Variants in MYO16 observed in about 807,000 individuals in gnomAD.
MYO16 encodes unconventional myosin-XVI.
In MYO16, 94 loss-of-function variants were observed where a neutral mutation model predicts 205.3. The observed-to-expected ratio is 0.46, with a 90% CI of 0.39 to 0.54. The LOEUF (loss-of-function observed/expected upper bound fraction) is 0.54, where lower values mean the gene tolerates loss of function less well. Among genes scored for constraint, MYO16 ranks in the 20% least tolerant of loss-of-function variants. The pLI, the probability that MYO16 is intolerant of heterozygous loss-of-function variation, is 0.00. For missense variants in MYO16, 2,315 were observed against 2,387.5 expected (o/e 0.97, Z 0.63); for synonymous variants, 988 against 954.0 (o/e 1.04, Z -0.66).
intron 4 of MYO16, 90 bp downstream of exon 4, chr13:108,727,673 A>C: frequency 6.9e-7 from 1 of 1,445,514 alleles, no homozygotes; most frequent in Non-Finnish European, 9.3e-7. Flanking sequence ...AATATGTAAT[A>C]TTTTGGTTGA....
the MYO16 span, among the ~76,000 whole-genome samples, chr13:108,551,281 A>C: frequency 6.6e-6 from 1 of 152,150 alleles, no homozygotes; most frequent in Non-Finnish European, 1.5e-5. Flanking sequence ...AGATGTATCC[A>C]CACAGCTGAA....
chr13:108,998,395 A>G (rs191378615), intron 21 of MYO16, among the ~76,000 whole-genome samples: 5 of 152,332 alleles, frequency 3.3e-5, no homozygotes, highest in African/African-American at 7.2e-5. Context: ...TAAAGTTTAC[A>G]TAGACATTAT....
chr13:108,685,242 C>T (rs911829628), intron 2 of MYO16, among the ~76,000 whole-genome samples: 9 of 151,968 alleles, frequency 5.9e-5, no homozygotes, highest in African/African-American at 9.7e-5. Flanking sequence ...AGGATGGTTT[C>T]GATCTCTTGA....
the MYO16 span, among the ~76,000 whole-genome samples, chr13:108,578,971 A>T: frequency 1.9e-4 from 29 of 151,246 alleles, no homozygotes; most frequent in Admixed American, 4.6e-4. Flanking sequence ...GTTATATGCG[A>T]GCGTCAGAAC....
At chr13:108,858,818 G>A (rs895688173) in intron 11 of MYO16, among the ~76,000 whole-genome samples, 5 of 152,210 alleles carry the variant, frequency 3.3e-5, no homozygotes, top group Non-Finnish European at 7.3e-5. Context: ...TCATAAAGCC[G>A]CAACGCTTTC....
intron 33 of MYO16, among the ~76,000 whole-genome samples, chr13:109,170,540 T>TA (rs372965328): frequency 0.043 from 6,410 of 147,358 alleles, 449 homozygotes; most frequent in African/African-American, 0.15. Flanking sequence ...TTCTGCAATT[T>TA]AAAAAAAAAA....
intron 21 of MYO16, among the ~76,000 whole-genome samples, chr13:109,005,844 CCT>C (rs1054267738): frequency 5.3e-5 from 8 of 152,174 alleles, no homozygotes; most frequent in African/African-American, 1.9e-4. Flanking sequence ...GAAATTTCCC[CCT>C]GAGACTTCTT....
chr13:108,595,354 C>T (rs1878517320), upstream of MYO16, among the ~76,000 whole-genome samples: 1 of 152,110 alleles, frequency 6.6e-6, no homozygotes, highest in African/African-American at 2.4e-5. Flanking sequence ...GGTCAAATCT[C>T]CCCACCCCAC....
chr13:108,653,893 C>A (rs977868247), intron 1 of MYO16, among the ~76,000 whole-genome samples: 2 of 151,900 alleles, frequency 1.3e-5, no homozygotes. Context: ...GACAGCTCAA[C>A]AGAGAAAACC....
At chr13:108,552,741 G>C in the MYO16 span, among the ~76,000 whole-genome samples, 4 of 152,098 alleles carry the variant, frequency 2.6e-5, no homozygotes, top group Non-Finnish European at 5.9e-5. Context: ...CTGTGTAACT[G>C]TAACAGAATA....
chr13:109,202,174 C>A (rs545991977), intron 34 of MYO16, among the ~76,000 whole-genome samples: 1 of 151,824 alleles, frequency 6.6e-6, no homozygotes, highest in Admixed American at 6.6e-5. Flanking sequence ...TGCATGTGCA[C>A]GTATTTTTTT....
intron 31 of MYO16, among the ~76,000 whole-genome samples, chr13:109,138,927 C>T (rs1876907029): frequency 6.6e-6 from 1 of 152,110 alleles, no homozygotes; most frequent in African/African-American, 2.4e-5. Context: ...AAGCAATTCT[C>T]CTAACCTCAG....
intron 7 of MYO16, among the ~76,000 whole-genome samples, chr13:108,812,423 A>C (rs1887321829): frequency 6.6e-6 from 1 of 152,202 alleles, no homozygotes; most frequent in African/African-American, 2.4e-5. Flanking sequence ...AGAATCAATA[A>C]ATGCCCTAAT....
chr13:108,673,175 T>C (rs1456480679), intron 2 of MYO16, among the ~76,000 whole-genome samples: 2 of 152,178 alleles, frequency 1.3e-5, no homozygotes, highest in African/African-American at 4.8e-5. Context: ...GTGATTTATG[T>C]GGTATAGTTA....
intron 4 of MYO16, among the ~76,000 whole-genome samples, chr13:108,757,092 T>C (rs1170880317): frequency 1.3e-5 from 2 of 152,198 alleles, no homozygotes; most frequent in Non-Finnish European, 2.9e-5. Context: ...TAATAATACA[T>C]TTAACTTTTA....
At chr13:108,855,762 T>A (rs1594347277) in intron 11 of MYO16, among the ~76,000 whole-genome samples, 1 of 152,316 alleles carries the variant, frequency 6.6e-6, no homozygotes, top group East Asian at 1.9e-4. Context: ...TGGAGCTGAG[T>A]ATGAACTAAT....
At chr13:108,956,747 CTG>C (rs1395373687) in intron 16 of MYO16, among the ~76,000 whole-genome samples, 4 of 152,292 alleles carry the variant, frequency 2.6e-5, no homozygotes, top group Non-Finnish European at 1.5e-5. Context: ...CCTTTCGCCA[CTG>C]TGTTTCCTCA....
intron 4 of MYO16, among the ~76,000 whole-genome samples, chr13:108,767,303 CAT>C (rs1885812555): frequency 1.3e-5 from 2 of 152,096 alleles, no homozygotes; most frequent in Non-Finnish European, 2.9e-5. Context: ...AAGGTTTCAC[CAT>C]GTTAGCCAGG....
chr13:108,990,602 T>C (rs960734626), intron 20 of MYO16, among the ~76,000 whole-genome samples: 1 of 152,204 alleles, frequency 6.6e-6, no homozygotes, highest in Non-Finnish European at 1.5e-5. Flanking sequence ...GTACACACTA[T>C]GAGTTATAAA....
Sources: gnomAD v4.1 joint callset for allele counts (sites outside exome capture counted in the v4.1 genomes callset) on GRCh38, gnomAD v4.1.1 for gene constraint, MANE v1.5 for transcripts, NCBI Gene and HGNC (gene_info 2026-07-23, HGNC 2026-07-21) for gene names.